FOXP1: variants seen among roughly 807,000 people sequenced by gnomAD.
FOXP1 encodes the protein forkhead box P1, also known as forkhead box protein P1.
In FOXP1, 15 loss-of-function variants were observed where a neutral mutation model predicts 98.2. The observed-to-expected ratio is 0.15, with a 90% CI of 0.10 to 0.24. FOXP1 has a LOEUF of 0.24. Among genes scored for constraint, FOXP1 ranks in the 10% least tolerant of loss-of-function variants. The pLI, the probability that FOXP1 is intolerant of heterozygous loss-of-function variation, is 1.00. For synonymous variants in FOXP1, 371 were observed against 314.5 expected, an observed-to-expected ratio of 1.18 and a Z score of -1.90; for missense variants, 633 against 848.5, an observed-to-expected ratio of 0.75 and a Z score of 3.15.
chr3:71,259,764 A>T (rs2068940041), intron 5 of FOXP1, among the ~76,000 whole-genome samples: 2 of 152,232 alleles, frequency 1.3e-5, no homozygotes, highest in Non-Finnish European at 2.9e-5. Flanking sequence ...TTAGAACAGC[A>T]TATTAACAAG....
At chr3:71,137,026 TC>T (rs1384268679) in intron 6 of FOXP1, among the ~76,000 whole-genome samples, 1 of 152,162 alleles carries the variant, frequency 6.6e-6, no homozygotes, top group African/African-American at 2.4e-5. Flanking sequence ...AATAATGTCT[TC>T]CATTAGCATT....
In FOXP1 at chr3:71,535,407, C is replaced by T. The variant is rs540998664; in HGVS notation, c.-297-41852G>A. Among the ~76,000 whole-genome samples the T allele has an allele frequency of 9.9e-4, 150 of 152,040 alleles. 2 individuals carry two copies. The highest frequency in any genetic ancestry group is 3.4e-3 in the Middle Eastern group (1 of 294). On this transcript the variant is annotated intron_variant, in intron 2 of 20. Transcript: ENST00000649528. ...CCAGTGGCAAAGCAGAGATATGCAG[C>T]GAGAAACAGGGATGAGGCCAGGCAC...
chr3:71,402,981 C>T (rs1560434040), intron 3 of FOXP1, among the ~76,000 whole-genome samples: 1 of 152,186 alleles, frequency 6.6e-6, no homozygotes, highest in Non-Finnish European at 1.5e-5. Context: ...TTGAAAAATC[C>T]CTCAATCAAC....
chr3:71,546,374 G>C (rs1174741565), intron 2 of FOXP1, among the ~76,000 whole-genome samples: 4 of 152,108 alleles, frequency 2.6e-5, no homozygotes, highest in African/African-American at 7.2e-5. Context: ...AGAAAGGTGT[G>C]ACCCACAAAA....
chr3:71,070,434 G>A (rs2053076086), intron 7 of FOXP1, among the ~76,000 whole-genome samples: 1 of 152,128 alleles, frequency 6.6e-6, no homozygotes, highest in African/African-American at 2.4e-5. Context: ...CCATTTCAGT[G>A]GTCCCTAAGG....
intron 7 of FOXP1, among the ~76,000 whole-genome samples, chr3:71,096,653 G>A (rs1351774079): frequency 6.6e-6 from 1 of 152,198 alleles, no homozygotes; most frequent in Non-Finnish European, 1.5e-5. Context: ...AGAGCTGTAT[G>A]CATTTTAGAT....
intron 10 of FOXP1, among the ~76,000 whole-genome samples, chr3:71,045,844 G>A (rs925777073): frequency 2.0e-5 from 3 of 152,182 alleles, no homozygotes; most frequent in Non-Finnish European, 4.4e-5. Context: ...TAAGCAACAC[G>A]AAGGAGTTTC....
intron 5 of FOXP1, among the ~76,000 whole-genome samples, chr3:71,223,693 C>CA (rs34686001): frequency 0.03 from 2,680 of 89,534 alleles, 91 homozygotes; most frequent in African/African-American, 0.075. Context: ...GACTACGTCT[C>CA]AAAAAAAAAA....
At chr3:71,249,116 A>G (rs1247727379) in intron 5 of FOXP1, among the ~76,000 whole-genome samples, 1 of 152,252 alleles carries the variant, frequency 6.6e-6, no homozygotes, top group Admixed American at 6.5e-5. Flanking sequence ...AACTGAATGG[A>G]GTTTAGAGTC....
At chr3:71,003,764 C>T (rs2042412627) in intron 12 of FOXP1, among the ~76,000 whole-genome samples, 1 of 152,112 alleles carries the variant, frequency 6.6e-6, no homozygotes, top group Non-Finnish European at 1.5e-5. Flanking sequence ...TATGCAGGAG[C>T]ATTTCATTAA....
rs147252499 is a variant in FOXP1 at position 71,566,573 on chromosome 3, T to C, written c.-298+14976A>G. On this transcript the variant is annotated intron_variant, in intron 2 of 20. Transcript: ENST00000649528. ...TCCAACGGGCAATTTGGAAAATAGA[T>C]AGGAATGCTCTGACGTTCAAAATCT... is the stretch of plus-strand genomic sequence containing the variant. Among the ~76,000 whole-genome samples the C allele has an allele frequency of 2.0e-3, 311 of 152,306 alleles. 1 individual carries two copies. Among genetic ancestry groups the C allele is most frequent in the Non-Finnish European group, 3.7e-3 (251 of 68,028 alleles).
At chr3:71,376,597 CG>C (rs991687711) in intron 3 of FOXP1, among the ~76,000 whole-genome samples, 7 of 152,192 alleles carry the variant, frequency 4.6e-5, no homozygotes, top group African/African-American at 1.7e-4. Context: ...CTCAAAATAG[CG>C]TAAGAAGCCA....
intron 5 of FOXP1, among the ~76,000 whole-genome samples, chr3:71,267,124 A>AGAGAGAGTGTGTGTGT (rs142661368): frequency 0.014 from 2,031 of 148,374 alleles, 17 homozygotes; most frequent in Non-Finnish European, 0.023. Context: ...TATGGGAGAG[A>AGAGAGAGTGTGTGTGT]GTGTGTGTGT....
intron 17 of FOXP1, among the ~76,000 whole-genome samples, chr3:70,973,122 T>C (rs2036638358): frequency 6.6e-6 from 1 of 152,230 alleles, no homozygotes; most frequent in African/African-American, 2.4e-5. Context: ...TTGTTCTTGA[T>C]GGCTTCTGGC....
chr3:71,491,152 A>T (rs2091033895), intron 3 of FOXP1, among the ~76,000 whole-genome samples: 2 of 152,158 alleles, frequency 1.3e-5, no homozygotes, highest in Non-Finnish European at 2.9e-5. Context: ...AGTAGCTGGG[A>T]GTACAGGCAC....
At position 71,279,726 on chromosome 3, in the gene FOXP1, A is replaced by C. The variant is rs963786756; in HGVS notation, c.-12+20094T>G. Reference sequence around the variant, plus strand: ...AATGTTGCTATATATCAATTGTTACAGAGAGATATGGGTAACATTTTTAAA... The same window carrying C: ...AATGTTGCTATATATCAATTGTTACCGAGAGATATGGGTAACATTTTTAAA... On this transcript the variant is annotated intron_variant, in intron 5 of 20. Coordinates refer to ENST00000649528, the MANE Select transcript of FOXP1 (RefSeq NM_001349338.3). Among the ~76,000 whole-genome samples the C allele has an allele frequency of 2.6e-5, 4 of 152,214 alleles. No homozygotes were observed. In the East Asian group the frequency reaches 7.7e-4, roughly 29 times the overall value.
intron 6 of FOXP1, among the ~76,000 whole-genome samples, chr3:71,166,638 C>T (rs1467282035): frequency 6.6e-6 from 1 of 152,176 alleles, no homozygotes; most frequent in Admixed American, 6.5e-5. Context: ...CATTCTAAAT[C>T]TCTTCTGTAA....
At position 71,000,967 on chromosome 3, in the gene FOXP1, T is replaced by C; in HGVS notation, c.1062+5A>G. ...GGTTAATATTAAAAATAAATGTGGT[T>C]TTACCTGTAGCTCTAACTGCTGTAC... On this transcript the variant is annotated splice_donor_5th_base_variant and intron_variant, in intron 13 of 20. Transcript: ENST00000649528. 1 of 1,598,102 alleles carries C rather than the reference T, an allele frequency of 6.3e-7. No homozygotes were observed.
intron 11 of FOXP1, among the ~76,000 whole-genome samples, chr3:71,030,124 T>C (rs928760985): frequency 1.3e-5 from 2 of 152,206 alleles, no homozygotes; most frequent in African/African-American, 2.4e-5. Context: ...GTCCAGTCTT[T>C]GAGGTTAAAC....
Sources: gnomAD v4.1 joint callset for allele counts (sites outside exome capture counted in the v4.1 genomes callset) on GRCh38, gnomAD v4.1.1 for gene constraint, MANE v1.5 for transcripts, NCBI Gene and HGNC (gene_info 2026-07-23, HGNC 2026-07-21) for gene names.